SUCLA2: variants seen among roughly 807,000 people sequenced by gnomAD.
SUCLA2 encodes succinate--CoA ligase [ADP-forming] subunit beta, mitochondrial.
Under a neutral mutation model 54.8 loss-of-function variants are expected in SUCLA2, and 30 were observed. The ratio of observed to expected loss-of-function variants is 0.55; its 90% CI spans 0.41 to 0.74. SUCLA2 has a LOEUF of 0.74. Among genes scored for constraint, SUCLA2 ranks in the 30% least tolerant of loss-of-function variants. SUCLA2 has a pLI of 0.00. For synonymous variants in SUCLA2, 172 were observed against 188.9 expected (o/e 0.91, Z 0.74); for missense variants, 476 against 562.9 (o/e 0.85, Z 1.56).
intron 4 of SUCLA2, among the ~76,000 whole-genome samples, chr13:47,979,997 A>C (rs772331774): frequency 6.6e-6 from 1 of 152,248 alleles, no homozygotes; most frequent in Non-Finnish European, 1.5e-5. Context: ...GAACAATGTG[A>C]AAAGGAAATT....
At chr13:47,951,312 C>G (rs1466027513) in intron 8 of SUCLA2, among the ~76,000 whole-genome samples, 1 of 134,004 alleles carries the variant, frequency 7.5e-6, no homozygotes, top group Admixed American at 7.6e-5. Context: ...TAGTCCGCCA[C>G]CCCGCCCCCG....
intron 5 of SUCLA2, among the ~76,000 whole-genome samples, chr13:47,970,377 C>T (rs1949952985): frequency 6.6e-6 from 1 of 152,056 alleles, no homozygotes; most frequent in East Asian, 1.9e-4. Flanking sequence ...TAGATTATTC[C>T]TCCATGTATT....
At chr13:48,001,078 G>A (rs2137760392) in intron 1 of SUCLA2, 102 bp downstream of exon 1, 1 of 1,528,262 alleles carries the variant, frequency 6.5e-7, no homozygotes, top group African/African-American at 1.4e-5. Flanking sequence ...CCCAGAAAAT[G>A]TCACTGCCGG....
Position 47,968,722 on chromosome 13 carries a change from CT to C in SUCLA2, c.674del (p.Lys225ArgfsTer24). ...CCACAATATTAGGTGGAAATCCCAT[CT>C]TCTGTGCAAGCTGAAATCAATATGT... ...KKEQALQLAQ[K>X]MGFPPNIVES... On this transcript the variant is annotated frameshift_variant, in exon 6 of 11. Coordinates refer to ENST00000646932, the MANE Select transcript of SUCLA2 (RefSeq NM_003850.3). LOFTEE classifies it high-confidence loss of function. 2 of 1,612,434 alleles carry C rather than the reference CT, an allele frequency of 1.2e-6. No homozygotes were observed. Among genetic ancestry groups the C allele is most frequent in the Non-Finnish European group, 8.5e-7 (1 of 1,179,870 alleles).
At chr13:47,976,568 G>A (rs1033749870) in intron 4 of SUCLA2, among the ~76,000 whole-genome samples, 3 of 152,094 alleles carry the variant, frequency 2.0e-5, no homozygotes, top group Non-Finnish European at 4.4e-5. Flanking sequence ...ACAAAGGAGA[G>A]TACACAGGCT....
chr13:47,968,834 T>C, intron 5 of SUCLA2, 101 bp from the exon 6 acceptor site: 6 of 1,341,956 alleles, frequency 4.5e-6, no homozygotes, highest in Non-Finnish European at 6.1e-6. Flanking sequence ...ATGATAAACA[T>C]GAGTCATTTA....
At chr13:47,955,580 GAAAGAGA>G (rs1479845306) in intron 6 of SUCLA2, among the ~76,000 whole-genome samples, 1 of 151,890 alleles carries the variant, frequency 6.6e-6, no homozygotes, top group African/African-American at 2.4e-5. Context: ...AAGGGGAAAA[GAAAGAGA>G]AGAAGAAGAA....
At chr13:47,943,571 C>A in intron 10 of SUCLA2, 126 bp from the exon 11 acceptor site, 1 of 805,876 alleles carries the variant, frequency 1.2e-6, no homozygotes, top group East Asian at 2.6e-5. Context: ...TGCTATAAAT[C>A]ACATTACGTT....
intron 3 of SUCLA2, 28 bp downstream of exon 3, chr13:47,988,851 GGAT>G: frequency 6.2e-7 from 1 of 1,603,072 alleles, no homozygotes; most frequent in Non-Finnish European, 8.5e-7. Context: ...TCTTTAACAA[GGAT>G]GATTTTTCCT....
intron 5 of SUCLA2, 81 bp from the exon 6 acceptor site, chr13:47,968,814 T>C: frequency 1.4e-6 from 2 of 1,477,034 alleles, no homozygotes; most frequent in Non-Finnish European, 9.2e-7. Context: ...CCTTGTAGTT[T>C]ATCACTTAAA....
At chr13:47,994,620 C>T (rs531945174) in intron 2 of SUCLA2, among the ~76,000 whole-genome samples, 19 of 148,914 alleles carry the variant, frequency 1.3e-4, no homozygotes, top group Admixed American at 8.7e-4. Context: ...TTTTCATAGA[C>T]GTTTCTAAAT....
intron 4 of SUCLA2, among the ~76,000 whole-genome samples, chr13:47,979,388 A>G (rs965069050): frequency 6.6e-6 from 1 of 152,168 alleles, no homozygotes; most frequent in Non-Finnish European, 1.5e-5. Flanking sequence ...TAACACAGAA[A>G]CAGAAAACCA....
At chr13:47,989,126 T>G in intron 2 of SUCLA2, 145 bp from the exon 3 acceptor site, 1 of 808,728 alleles carries the variant, frequency 1.2e-6, no homozygotes, top group Admixed American at 2.3e-5. Flanking sequence ...ATTCTCTTTA[T>G]GTAGATTTTC....
At chr13:47,970,577 C>G (rs1401645246) in intron 5 of SUCLA2, among the ~76,000 whole-genome samples, 2 of 152,130 alleles carry the variant, frequency 1.3e-5, no homozygotes, top group East Asian at 3.8e-4. Flanking sequence ...AATTCTTGCA[C>G]TTGGCTGGGC....
chr13:47,994,585 A>C (rs940352013), intron 2 of SUCLA2, among the ~76,000 whole-genome samples: 1 of 151,772 alleles, frequency 6.6e-6, no homozygotes, highest in African/African-American at 2.4e-5. Context: ...AAAAAAAAAA[A>C]AAAACCACGA....
chr13:47,976,267 CAATT>C lies in SUCLA2; in HGVS notation c.535-2879_535-2876del, dbSNP rs778613528. 5.3e-5 allele frequency among the ~76,000 whole-genome samples: 8 copies of C among 152,018 alleles called. No homozygotes were observed. The East Asian group carries it at 1.3e-3, about 26-fold the overall frequency. ...AACCTTTTATGACAATGACAGTAACCAATTAGGAAGTCACAGTACCCCAGGTAAG... is the reference window on the plus strand; with the variant it reads ...AACCTTTTATGACAATGACAGTAACCAGGAAGTCACAGTACCCCAGGTAAG... On this transcript the variant is annotated intron_variant, in intron 4 of 10. Coordinates refer to ENST00000646932, the MANE Select transcript of SUCLA2 (RefSeq NM_003850.3).
chr13:47,966,717 A>AT (rs1176540769), intron 6 of SUCLA2, among the ~76,000 whole-genome samples: 5 of 73,090 alleles, frequency 6.8e-5, no homozygotes, highest in African/African-American at 1.7e-4. Flanking sequence ...TTTTCTTTAA[A>AT]TAAAAAAAAA....
intron 5 of SUCLA2, among the ~76,000 whole-genome samples, chr13:47,972,574 CA>C (rs1949976081): frequency 6.7e-6 from 1 of 148,692 alleles, no homozygotes; most frequent in African/African-American, 2.5e-5. Context: ...GAGGCTCAAA[CA>C]GGAGAATTGC....
intron 2 of SUCLA2, among the ~76,000 whole-genome samples, chr13:47,995,117 G>A (rs552450858): frequency 2.0e-5 from 3 of 152,242 alleles, no homozygotes; most frequent in Admixed American, 2.0e-4. Flanking sequence ...GCTACTCAGA[G>A]GCCTAAGTAG....
Sources: allele counts gnomAD v4.1 joint callset (sites outside exome capture counted in the v4.1 genomes callset), GRCh38; gene constraint gnomAD v4.1.1; transcripts MANE v1.5; gene names NCBI Gene and HGNC (gene_info 2026-07-23, HGNC 2026-07-21).